The following SAMD3 variants were observed in gnomAD, a reference collection of about 807,000 sequenced individuals.
SAMD3 encodes the protein sterile alpha motif domain-containing protein 3.
In SAMD3, 63 loss-of-function variants were observed where a neutral mutation model predicts 58.5. The ratio of observed to expected loss-of-function variants is 1.08; its 90% CI spans 0.88 to 1.33. SAMD3 has a LOEUF of 1.33. Among genes scored for constraint, SAMD3 ranks in the 40% most tolerant of loss-of-function variants. SAMD3 has a pLI of 0.00. For missense variants in SAMD3, 604 were observed against 608.4 expected, an observed-to-expected ratio of 0.99 and a Z score of 0.08; for synonymous variants, 220 against 210.3, an observed-to-expected ratio of 1.05 and a Z score of -0.40.
chr6:130,152,676 CAATAAATA>C (rs141973390), intron 9 of SAMD3, among the ~76,000 whole-genome samples: 8,685 of 151,762 alleles, frequency 0.057, 369 homozygotes, highest in Non-Finnish European at 0.093. Context: ...GACTCTGTCT[CAATAAATA>C]AATAAATAAA....
chr6:130,221,864 G>A (rs893655260), intron 1 of SAMD3: 4 of 152,158 alleles, frequency 2.6e-5, no homozygotes, highest in Admixed American at 6.5e-5. Flanking sequence ...GAAAAAAATA[G>A]GAATAGGTAA....
intron 7 of SAMD3, among the ~76,000 whole-genome samples, chr6:130,179,188 C>G (rs145927904): frequency 6.6e-6 from 1 of 152,084 alleles, no homozygotes; most frequent in African/African-American, 2.4e-5. Context: ...CTGATAGGAA[C>G]AGAAAAAGGA....
chr6:130,157,230 C>T (rs554344448), intron 8 of SAMD3, among the ~76,000 whole-genome samples: 96 of 151,726 alleles, frequency 6.3e-4, no homozygotes, highest in African/African-American at 1.9e-3. Context: ...TTTCAAATAA[C>T]GCAGAAAAAG....
intron 1 of SAMD3, among the ~76,000 whole-genome samples, chr6:130,318,176 A>G (rs1362334588): frequency 6.6e-6 from 1 of 152,194 alleles, no homozygotes; most frequent in Admixed American, 6.5e-5. Context: ...GGAAAGCCTC[A>G]TAATTCAGTG....
intron 7 of SAMD3, among the ~76,000 whole-genome samples, chr6:130,182,036 G>C (rs1022947284): frequency 1.2e-4 from 18 of 146,082 alleles, no homozygotes; most frequent in Admixed American, 2.2e-4. Context: ...CTGCACTCCA[G>C]CCTGGGCGAC....
chr6:130,185,303 G>A (rs1479471049), intron 5 of SAMD3, among the ~76,000 whole-genome samples: 2 of 152,034 alleles, frequency 1.3e-5, no homozygotes, highest in Non-Finnish European at 2.9e-5. Context: ...AAAATTAACT[G>A]AGCTATTCAC....
intron 1 of SAMD3, among the ~76,000 whole-genome samples, chr6:130,348,696 A>G (rs1777545387): frequency 6.6e-6 from 1 of 152,228 alleles, no homozygotes; most frequent in African/African-American, 2.4e-5. Context: ...AAGGATATCC[A>G]GGAACTGAAC....
intron 5 of SAMD3, among the ~76,000 whole-genome samples, chr6:130,194,617 A>C (rs530544871): frequency 6.6e-6 from 1 of 152,222 alleles, no homozygotes; most frequent in Non-Finnish European, 1.5e-5. Flanking sequence ...GCTTGCTACA[A>C]GTGCCAGAAA....
intron 1 of SAMD3, among the ~76,000 whole-genome samples, chr6:130,359,443 AT>A (rs1777924545): frequency 6.6e-6 from 1 of 152,034 alleles, no homozygotes; most frequent in Non-Finnish European, 1.5e-5. Flanking sequence ...TTGCACACAC[AT>A]TTCCCTCTCT....
At chr6:130,209,797 C>T (rs1445736552) in intron 4 of SAMD3, among the ~76,000 whole-genome samples, 189 bp from the exon 5 acceptor site, 1 of 152,218 alleles carries the variant, frequency 6.6e-6, no homozygotes, top group African/African-American at 2.4e-5. Flanking sequence ...TCAGTGGTTC[C>T]TATGTGCCAG....
At chr6:130,268,216 T>A (rs549056155) in intron 2 of SAMD3, among the ~76,000 whole-genome samples, 11 of 152,220 alleles carry the variant, frequency 7.2e-5, no homozygotes, top group Non-Finnish European at 1.3e-4. Flanking sequence ...AATAAAAAAA[T>A]TTTAAAAATC....
At chr6:130,153,294 G>A (rs1484186862) in intron 9 of SAMD3, among the ~76,000 whole-genome samples, 6 of 152,142 alleles carry the variant, frequency 3.9e-5, no homozygotes, top group Non-Finnish European at 7.3e-5. Flanking sequence ...GGAAACAAGC[G>A]AAAGCCACAG....
chr6:130,325,586 A>C (rs970324925), intron 1 of SAMD3, among the ~76,000 whole-genome samples: 1 of 152,046 alleles, frequency 6.6e-6, no homozygotes, highest in African/African-American at 2.4e-5. Flanking sequence ...TAGGATGCTC[A>C]AATGCTCATC....
intron 1 of SAMD3, among the ~76,000 whole-genome samples, chr6:130,221,058 G>T (rs572297362): frequency 5.3e-5 from 8 of 152,106 alleles, no homozygotes; most frequent in Non-Finnish European, 7.4e-5. Context: ...GTTTCACTGT[G>T]TTAGCCAGGA....
intron 9 of SAMD3, among the ~76,000 whole-genome samples, chr6:130,151,464 G>A (rs575189948): frequency 6.7e-4 from 101 of 151,816 alleles, no homozygotes; most frequent in Non-Finnish European, 1.2e-3. Flanking sequence ...TTTTTAACAC[G>A]GAGTTTCACT....
chr6:130,166,066 G>A (rs1055948746), intron 8 of SAMD3, among the ~76,000 whole-genome samples: 1 of 152,162 alleles, frequency 6.6e-6, no homozygotes, highest in Non-Finnish European at 1.5e-5. Flanking sequence ...GCCAGAGCTT[G>A]TCCTGGTGCT....
chr6:130,273,660 G>C (rs1417680091), intron 2 of SAMD3, among the ~76,000 whole-genome samples: 1 of 149,118 alleles, frequency 6.7e-6, no homozygotes, highest in African/African-American at 2.5e-5. Context: ...TGTATCTTCT[G>C]TATGTATTTT....
At chr6:130,178,622 A>G (rs1791966759) in intron 7 of SAMD3, among the ~76,000 whole-genome samples, 1 of 152,192 alleles carries the variant, frequency 6.6e-6, no homozygotes, top group Non-Finnish European at 1.5e-5. Flanking sequence ...ACCATAGCCT[A>G]AGTTGGGAAG....
chr6:130,267,623 G>A (rs917486264), intron 2 of SAMD3, among the ~76,000 whole-genome samples: 2 of 152,122 alleles, frequency 1.3e-5, no homozygotes, highest in Admixed American at 6.5e-5. Flanking sequence ...CAAAACCAAG[G>A]AACCAGACCT....
Sources: gnomAD v4.1 joint callset for allele counts (sites outside exome capture counted in the v4.1 genomes callset) on GRCh38, gnomAD v4.1.1 for gene constraint, MANE v1.5 for transcripts, NCBI Gene and HGNC (gene_info 2026-07-23, HGNC 2026-07-21) for gene names.